The following MPP7 variants were observed in gnomAD, a reference collection of about 807,000 sequenced individuals.
MPP7 encodes MAGUK p55 scaffold protein 7.
A neutral mutation model predicts 76.5 loss-of-function variants in MPP7; 60 were observed. The observed-to-expected ratio is 0.78, with a 90% CI of 0.64 to 0.97. The LOEUF is 0.97. Among genes scored for constraint, MPP7 ranks in the 50% least tolerant of loss-of-function variants. MPP7 has a pLI of 0.00. For missense variants in MPP7, 641 were observed against 694.0 expected (o/e 0.92, Z 0.86); for synonymous variants, 237 against 244.5 (o/e 0.97, Z 0.29).
At chr10:28,166,038 A>AAG (rs1250250321) in intron 3 of MPP7, among the ~76,000 whole-genome samples, 2 of 151,684 alleles carry the variant, frequency 1.3e-5, no homozygotes, top group Non-Finnish European at 2.9e-5. Flanking sequence ...AAAAAAAAAA[A>AAG]AAAAGAATTT....
chr10:28,081,320 T>C (rs1199388642), intron 12 of MPP7, among the ~76,000 whole-genome samples: 1 of 152,204 alleles, frequency 6.6e-6, no homozygotes, highest in East Asian at 1.9e-4. Flanking sequence ...CACACATTAT[T>C]TGACTTTATT....
At chr10:28,247,857 G>C (rs1056994517) in intron 1 of MPP7, among the ~76,000 whole-genome samples, 11 of 152,092 alleles carry the variant, frequency 7.2e-5, no homozygotes, top group Admixed American at 6.6e-5. Context: ...GCACTGCATT[G>C]TTCATACACC....
At chr10:28,074,358 C>T (rs140092660) in intron 12 of MPP7, among the ~76,000 whole-genome samples, 10 of 151,972 alleles carry the variant, frequency 6.6e-5, no homozygotes, top group African/African-American at 1.9e-4. Context: ...AGTACAATGG[C>T]GTGATCATGG....
intron 1 of MPP7, among the ~76,000 whole-genome samples, chr10:28,285,175 G>A (rs1184798663): frequency 3.3e-5 from 5 of 152,082 alleles, no homozygotes; most frequent in African/African-American, 4.8e-5. Flanking sequence ...AAAAGAATCA[G>A]GCATTTAACC....
chr10:28,112,494 A>C (rs1834535842), intron 11 of MPP7, among the ~76,000 whole-genome samples: 1 of 152,212 alleles, frequency 6.6e-6, no homozygotes, highest in Non-Finnish European at 1.5e-5. Flanking sequence ...TTTTAATAAA[A>C]TTTCATGAAT....
chr10:28,077,776 C>G (rs1209727762), intron 12 of MPP7, among the ~76,000 whole-genome samples: 1 of 152,176 alleles, frequency 6.6e-6, no homozygotes, highest in Non-Finnish European at 1.5e-5. Context: ...CTCTGTAGTT[C>G]GTTTTCAGCT....
chr10:28,211,765 C>T (rs1057503907), intron 2 of MPP7, among the ~76,000 whole-genome samples: 5 of 151,922 alleles, frequency 3.3e-5, no homozygotes, highest in East Asian at 1.9e-4. Context: ...AGGAAGATGA[C>T]GGGCAAGGAG....
At chr10:28,144,392 G>A (rs1443556566) in intron 5 of MPP7, among the ~76,000 whole-genome samples, 3 of 152,094 alleles carry the variant, frequency 2.0e-5, no homozygotes, top group Non-Finnish European at 2.9e-5. Context: ...AATGAAAGTG[G>A]GAGAAAGGCT....
intron 2 of MPP7, among the ~76,000 whole-genome samples, chr10:28,211,952 T>A (rs1402301288): frequency 1.3e-5 from 2 of 151,920 alleles, no homozygotes. Flanking sequence ...TAACTTACAT[T>A]ACAAAAGCAT....
At chr10:28,261,830 T>G (rs1953322) in intron 1 of MPP7, among the ~76,000 whole-genome samples, 30,490 of 151,902 alleles carry the variant, frequency 0.2, 3,551 homozygotes, top group East Asian at 0.54. Context: ...GAGGATTGCT[T>G]GAGCCCAGGA....
intron 11 of MPP7, among the ~76,000 whole-genome samples, chr10:28,114,186 G>A (rs1321635071): frequency 6.6e-6 from 1 of 152,202 alleles, no homozygotes; most frequent in Non-Finnish European, 1.5e-5. Flanking sequence ...CACAGAAGGA[G>A]GATCACTTGA....
At chr10:28,234,986 T>G (rs1284368791) in intron 2 of MPP7, among the ~76,000 whole-genome samples, 2 of 152,126 alleles carry the variant, frequency 1.3e-5, no homozygotes, top group Admixed American at 6.5e-5. Flanking sequence ...TTTTTTGTAT[T>G]TTTAGTAGAG....
chr10:28,190,915 A>T (rs1327991263), intron 3 of MPP7, among the ~76,000 whole-genome samples: 1 of 152,124 alleles, frequency 6.6e-6, no homozygotes, highest in Non-Finnish European at 1.5e-5. Flanking sequence ...AAGAGATAAG[A>T]TACAAATTAC....
intron 3 of MPP7, among the ~76,000 whole-genome samples, chr10:28,177,710 A>G (rs774752182): frequency 6.6e-6 from 1 of 152,230 alleles, no homozygotes; most frequent in African/African-American, 2.4e-5. Context: ...ATTAAAAATA[A>G]CAGAAATGAG....
At chr10:28,065,682 C>T (rs182460633) in intron 13 of MPP7, among the ~76,000 whole-genome samples, 13 of 151,958 alleles carry the variant, frequency 8.6e-5, no homozygotes, top group South Asian at 4.2e-4. Flanking sequence ...TGGGGAGATA[C>T]GGAAAAAAAG....
chr10:28,228,070 T>A (rs757307642), intron 2 of MPP7, among the ~76,000 whole-genome samples: 5 of 152,190 alleles, frequency 3.3e-5, no homozygotes, highest in Non-Finnish European at 7.3e-5. Flanking sequence ...CCGAAAAGTA[T>A]GAATATGATC....
intron 3 of MPP7, among the ~76,000 whole-genome samples, chr10:28,191,489 A>G (rs1017831361): frequency 5.8e-4 from 88 of 152,332 alleles, no homozygotes; most frequent in African/African-American, 2.0e-3. Flanking sequence ...ATGCTCTGAA[A>G]TCTGAAATGC....
At chr10:28,299,645 A>C (rs1211968788) in intron 1 of MPP7, among the ~76,000 whole-genome samples, 1 of 152,216 alleles carries the variant, frequency 6.6e-6, no homozygotes, top group Non-Finnish European at 1.5e-5. Flanking sequence ...ACGAACCTTC[A>C]GTTTGTAAAA....
At chr10:28,333,208 G>A (rs752563476) in intron 1 of MPP7, among the ~76,000 whole-genome samples, 27 of 152,224 alleles carry the variant, frequency 1.8e-4, no homozygotes, top group African/African-American at 4.3e-4. Context: ...GCAATGGCAC[G>A]ATCTCAGCTC....
Sources: gnomAD v4.1 joint callset for allele counts (sites outside exome capture counted in the v4.1 genomes callset) on GRCh38, gnomAD v4.1.1 for gene constraint, MANE v1.5 for transcripts, NCBI Gene and HGNC (gene_info 2026-07-23, HGNC 2026-07-21) for gene names.